EPHA5: variants seen among roughly 807,000 people sequenced by gnomAD.
The protein encoded by EPHA5 is EPH receptor A5, also known as ephrin type-A receptor 5.
A neutral mutation model predicts 105.0 loss-of-function variants in EPHA5; 60 were observed. The observed-to-expected ratio is 0.57, with a 90% CI of 0.46 to 0.71. The LOEUF (loss-of-function observed/expected upper bound fraction) is 0.71, where lower values mean the gene tolerates loss of function less well. Ranked by LOEUF, EPHA5 falls within the 30% of genes least tolerant of loss-of-function variation. EPHA5 has a pLI of 0.00. For synonymous variants in EPHA5, 513 were observed against 449.1 expected (o/e 1.14, Z -1.80); for missense variants, 1,218 against 1,274.7 (o/e 0.96, Z 0.68).
chr4:65,494,502 C>G (rs771805064), intron 4 of EPHA5, among the ~76,000 whole-genome samples: 2 of 152,150 alleles, frequency 1.3e-5, no homozygotes, highest in Non-Finnish European at 2.9e-5. Flanking sequence ...TGATTTGCTA[C>G]AGAGACTTTC....
chr4:65,626,368 T>C (rs977764945), intron 2 of EPHA5, among the ~76,000 whole-genome samples: 4 of 152,192 alleles, frequency 2.6e-5, no homozygotes, highest in Admixed American at 1.3e-4. Flanking sequence ...ACTTATGTTT[T>C]TCAGAGTCTA....
At chr4:65,606,575 A>G (rs1483928691) in intron 2 of EPHA5, among the ~76,000 whole-genome samples, 1 of 152,190 alleles carries the variant, frequency 6.6e-6, no homozygotes, top group Admixed American at 6.5e-5. Flanking sequence ...TCCATTGTTG[A>G]TACAATTTTT....
chr4:65,381,374 A>G (rs1486747058), intron 8 of EPHA5, among the ~76,000 whole-genome samples: 6 of 151,754 alleles, frequency 4.0e-5, no homozygotes, highest in Non-Finnish European at 8.8e-5. Context: ...TGTAAGAGAC[A>G]TTGTGCTGAA....
intron 5 of EPHA5, among the ~76,000 whole-genome samples, chr4:65,461,252 C>T (rs1370095876): frequency 6.6e-6 from 1 of 151,822 alleles, no homozygotes; most frequent in Admixed American, 6.6e-5. Flanking sequence ...AAGAACAGAT[C>T]CAGTCACTAT....
rs116217699 is a variant in EPHA5 at position 65,536,125 on chromosome 4, T to C, written c.911-40582A>G. On this transcript the variant is annotated intron_variant, in intron 3 of 16. Coordinates refer to ENST00000613740, the MANE Select transcript of EPHA5 (RefSeq NM_001281766.3). ...AATGTATTAGTGTATAAATTATTGT[T>C]TGCATTTAATGACTCTTTAGTAACA... 2.2e-3 allele frequency among the ~76,000 whole-genome samples: 333 copies of C among 152,140 alleles called. 1 individual carries two copies. Among genetic ancestry groups the C allele is most frequent in the African/African-American group, 7.7e-3 (320 of 41,548 alleles).
At chr4:65,667,559 G>T (rs891118292) in intron 1 of EPHA5, among the ~76,000 whole-genome samples, 11 of 151,984 alleles carry the variant, frequency 7.2e-5, no homozygotes, top group African/African-American at 2.7e-4. Flanking sequence ...CAATCTGTGG[G>T]TGTTAAATCT....
At chr4:65,456,455 C>A (rs1354322529) in intron 5 of EPHA5, among the ~76,000 whole-genome samples, 5 of 151,978 alleles carry the variant, frequency 3.3e-5, no homozygotes, top group African/African-American at 1.2e-4. Context: ...AGAAGAAAAA[C>A]TATGCACTTT....
At chr4:65,620,042 G>T (rs1745576542) in intron 2 of EPHA5, among the ~76,000 whole-genome samples, 1 of 147,676 alleles carries the variant, frequency 6.8e-6, no homozygotes, top group African/African-American at 2.5e-5. Context: ...TCTGGTGTGT[G>T]TTAAAGAGCA....
chr4:65,526,686 T>C (rs1578338281), intron 3 of EPHA5, among the ~76,000 whole-genome samples: 1 of 152,068 alleles, frequency 6.6e-6, no homozygotes, highest in African/African-American at 2.4e-5. Context: ...ATCTCTGACA[T>C]CAACTTAAGG....
intron 5 of EPHA5, among the ~76,000 whole-genome samples, chr4:65,427,674 A>C (rs1560526167): frequency 6.6e-6 from 1 of 152,194 alleles, no homozygotes; most frequent in African/African-American, 2.4e-5. Flanking sequence ...CTAATCTAAA[A>C]ACCTAAGCTA....
intron 3 of EPHA5, among the ~76,000 whole-genome samples, chr4:65,522,334 A>ATATATATAT (rs1560643533): frequency 6.7e-6 from 1 of 149,930 alleles, no homozygotes; most frequent in African/African-American, 2.5e-5. Context: ...ATATATATAT[A>ATATATATAT]AAATCAACAG....
intron 2 of EPHA5, among the ~76,000 whole-genome samples, chr4:65,620,424 G>A (rs1745616050): frequency 6.6e-6 from 1 of 151,974 alleles, no homozygotes; most frequent in South Asian, 2.1e-4. Context: ...TCCAATAAAT[G>A]TGATGACATA....
At chr4:65,430,334 A>C (rs1724853924) in intron 5 of EPHA5, among the ~76,000 whole-genome samples, 2 of 152,078 alleles carry the variant, frequency 1.3e-5, no homozygotes, top group African/African-American at 4.8e-5. Flanking sequence ...AATGTAAATA[A>C]AACTGGCTGC....
intron 8 of EPHA5, among the ~76,000 whole-genome samples, chr4:65,380,158 A>C (rs2148927726): frequency 6.6e-6 from 1 of 151,924 alleles, no homozygotes; most frequent in African/African-American, 2.4e-5. Context: ...CTACATCTGT[A>C]TTCCCATCAG....
At chr4:65,554,028 T>G (rs1231869915) in intron 3 of EPHA5, among the ~76,000 whole-genome samples, 1 of 151,790 alleles carries the variant, frequency 6.6e-6, no homozygotes, top group African/African-American at 2.4e-5. Context: ...GCAAAATATA[T>G]TGTCTCTGGT....
chr4:65,428,501 C>G (rs1724667455), intron 5 of EPHA5, among the ~76,000 whole-genome samples: 1 of 152,030 alleles, frequency 6.6e-6, no homozygotes, highest in Non-Finnish European at 1.5e-5. Flanking sequence ...CAGACAAAAA[C>G]CTACAATCAC....
At chr4:65,646,559 A>G (rs2149520348) in intron 1 of EPHA5, among the ~76,000 whole-genome samples, 1 of 152,314 alleles carries the variant, frequency 6.6e-6, no homozygotes, top group South Asian at 2.1e-4. Flanking sequence ...CAACCTCCCC[A>G]GGAAAGAATT....
Position 65,516,917 on chromosome 4 carries a change from T to C in EPHA5, c.911-21374A>G, listed in dbSNP as rs1734162721. On this transcript the variant is annotated intron_variant, in intron 3 of 16. Coordinates refer to ENST00000613740, the MANE Select transcript of EPHA5 (RefSeq NM_001281766.3). Reference sequence around the variant, plus strand: ...ACCAGACAGCACAGCATGTGGTTTATTTTGATCTACACTTGTAAAGAATGT... The same window carrying C: ...ACCAGACAGCACAGCATGTGGTTTACTTTGATCTACACTTGTAAAGAATGT... Among the ~76,000 whole-genome samples the C allele has an allele frequency of 2.1e-5, 3 of 144,332 alleles. 1 individual carries two copies. The highest frequency in any genetic ancestry group is 4.4e-4 in the South Asian group (2 of 4,558). 94.7% of individuals were successfully genotyped at this position (144,332 alleles called of 152,430 possible).
intron 3 of EPHA5, among the ~76,000 whole-genome samples, chr4:65,535,778 C>G (rs1351298878): frequency 6.6e-6 from 1 of 151,770 alleles, no homozygotes; most frequent in African/African-American, 2.4e-5. Context: ...GTGAAGGAAA[C>G]AGTAGTATTG....
Sources: gnomAD v4.1 joint callset for allele counts (sites outside exome capture counted in the v4.1 genomes callset) on GRCh38, gnomAD v4.1.1 for gene constraint, MANE v1.5 for transcripts, NCBI Gene and HGNC (gene_info 2026-07-23, HGNC 2026-07-21) for gene names.